Variants in GPR179 observed in about 807,000 individuals in gnomAD.
The protein encoded by GPR179 is G protein-coupled receptor 179.
A neutral mutation model predicts 70.8 loss-of-function variants in GPR179; 52 were observed. The ratio of observed to expected loss-of-function variants is 0.73; its 90% CI spans 0.59 to 0.93. The LOEUF (loss-of-function observed/expected upper bound fraction) is 0.93. Ranked by LOEUF, GPR179 falls within the 40% of genes least tolerant of loss-of-function variation. The pLI is 0.00. For synonymous variants in GPR179, 1,123 were observed against 1,169.0 expected (o/e 0.96, Z 0.80); for missense variants, 2,734 against 2,966.8 (o/e 0.92, Z 1.82).
At position 38,334,936 on chromosome 17, in the gene GPR179, G is replaced by A. The variant is rs536141377; in HGVS notation, c.1646-94C>T. ...ATGTGCTGGGGGGAGCCTGGGCTCG[G>A]GGTCTGGGGACAAGTCAGGAGAACC... On this transcript the variant is annotated intron_variant, in intron 7 of 10. Transcript: ENST00000616987. The surrounding 1 kb of genome is among the most constrained non-coding windows in gnomAD (Gnocchi z 4.7). 12 of 1,592,706 alleles carry A rather than the reference G, an allele frequency of 7.5e-6. No individual in the cohort carries two copies. The East Asian group carries it at 2.7e-4, about 36-fold the overall frequency.
intron 1 of GPR179, among the ~76,000 whole-genome samples, chr17:38,340,867 A>G (rs1239044563): frequency 6.6e-6 from 1 of 152,194 alleles, no homozygotes; most frequent in Non-Finnish European, 1.5e-5. Context: ...GCAGTGAGCC[A>G]AGATGGCGCC....
rs775612261 is a variant in GPR179, at chr17:38,337,173, C to T, written c.1032G>A (p.Gly344=). ...GTCTCCCAGATCTGCCTTCTGGGAA[C>T]CCGAATTGCCCGGTAGTCTGGAAGT... ...ESDFQTTGQF[G]FPEGRSGRLL... is the part of the protein sequence containing the mutation. Residue 344 remains glycine (G), a synonymous_variant, in exon 4 of 11, where the codon GGG becomes GGA. Coordinates refer to ENST00000616987, the MANE Select transcript of GPR179 (RefSeq NM_001004334.4). 5 of 1,612,746 alleles carry T rather than the reference C, an allele frequency of 3.1e-6. No homozygotes were observed. Among genetic ancestry groups the T allele is most frequent in the South Asian group, 2.2e-5 (2 of 90,756 alleles).
In GPR179 at chr17:38,327,365, G is replaced by A; in HGVS notation, c.6204C>T (p.Phe2068=). The change falls in exon 11 of 11, where the codon TTC becomes TTT. Residue 2068 remains phenylalanine, a synonymous_variant. Coordinates refer to ENST00000616987, the MANE Select transcript of GPR179 (RefSeq NM_001004334.4). ...PVQKKPEMAD[F]RQQEAVCPWE... is the part of the protein sequence containing the mutation. ...AGGGACACACAGCCTCCTGCTGCCTGAAGTCTGCCATCTCTGGCTTTTTCT... is the reference window on the plus strand; with the variant it reads ...AGGGACACACAGCCTCCTGCTGCCTAAAGTCTGCCATCTCTGGCTTTTTCT... 2 of 1,614,266 alleles carry A rather than the reference G, an allele frequency of 1.2e-6. No homozygotes were observed. Among genetic ancestry groups the A allele is most frequent in the South Asian group, 1.1e-5 (1 of 91,090 alleles).
Position 38,328,736 on chromosome 17 carries a change from T to TG in GPR179, c.4832dup (p.Arg1612LysfsTer28). Reference sequence around the variant, plus strand: ...TGTCCTTTTGAGATTCTCCTCCTCTTGGCACCTGTGCTGATGTCCATTCCT... The same window carrying TG: ...TGTCCTTTTGAGATTCTCCTCCTCTTGGGCACCTGTGCTGATGTCCATTCCT... On this transcript the variant is annotated frameshift_variant, in exon 11 of 11. Coordinates refer to ENST00000616987, the MANE Select transcript of GPR179 (RefSeq NM_001004334.4). LOFTEE classifies it low-confidence loss of function (END_TRUNC). The TG allele has an allele frequency of 6.2e-7, 1 of 1,613,612 alleles. No homozygotes were observed. The highest frequency in any genetic ancestry group is 1.3e-5 in the African/African-American group (1 of 74,828).
intron 2 of GPR179, among the ~76,000 whole-genome samples, chr17:38,338,324 C>A (rs1218286208): frequency 6.6e-6 from 1 of 152,202 alleles, no homozygotes; most frequent in Non-Finnish European, 1.5e-5. Flanking sequence ...CAGAGCAGAC[C>A]TCAGAGCCAG....
In GPR179 at chr17:38,331,474, C is replaced by T. The variant is rs748183031; in HGVS notation, c.2095G>A (p.Ala699Thr). ...LEVHKTKEMA[A>T]NNPHLPKKRG... ...TTCTTGGGCAGGTGGGGGTTGTTTG[C>T]GGCCATTTCCTTGGTTTTGTGGACC... is the stretch of plus-strand genomic sequence containing the variant. The change falls in exon 11 of 11, where the codon GCA (alanine) becomes ACA (threonine). Residue 699 changes from alanine to threonine, a missense_variant. Transcript: ENST00000616987. 11 of 1,613,906 alleles carry T rather than the reference C, an allele frequency of 6.8e-6. 1 individual carries two copies. In the South Asian group the frequency reaches 7.7e-5, roughly 11 times the overall value.
In GPR179 at chr17:38,328,668, G is replaced by A. The variant is rs1005015643; in HGVS notation, c.4901C>T (p.Ala1634Val). 2.5e-6 allele frequency: 4 copies of A among 1,614,016 alleles called. No individual in the cohort carries two copies. Among genetic ancestry groups the A allele is most frequent in the Non-Finnish European group, 3.4e-6 (4 of 1,180,040 alleles). ...PGKSEIEDVT[A>V]WEKPEGQIQK... ...GATCTGCCCCTCAGGCTTTTCCCAA[G>A]CTGTGACATCTTCGATTTCCGATTT... The change falls in exon 11 of 11, where the codon GCT (alanine) becomes GTT (valine). Residue 1634 changes from alanine to valine, a missense_variant. Physicochemically the swap from Ala to Val is moderately conservative, Grantham distance 64. Coordinates refer to ENST00000616987, the MANE Select transcript of GPR179 (RefSeq NM_001004334.4).
In GPR179 at chr17:38,343,528, T is replaced by C. The variant is rs760218146; in HGVS notation, c.262A>G (p.Met88Val). 1.9e-6 allele frequency: 3 copies of C among 1,613,768 alleles called. No individual in the cohort carries two copies. The highest frequency in any genetic ancestry group is 2.5e-6 in the Non-Finnish European group (3 of 1,179,992). Reference sequence around the variant, plus strand: ...TGTAGGCTTGGGGGGAGCCCTGGCATGGCTCCTGCCCCACGCGCTTCATAG... The same window carrying C: ...TGTAGGCTTGGGGGGAGCCCTGGCACGGCTCCTGCCCCACGCGCTTCATAG... ...ERYEARGAGAMPGLPPSLQGA... is the reference protein window; with the variant it reads ...ERYEARGAGAVPGLPPSLQGA... Residue 88 changes from methionine to valine, a missense_variant, in exon 1 of 11, where the codon ATG (methionine) becomes GTG (valine). Transcript: ENST00000616987. This position sits in a 1 kb window ranked among gnomAD's most constrained non-coding sequence, Gnocchi z 4.2.
intron 5 of GPR179, among the ~76,000 whole-genome samples, 160 bp from the exon 6 acceptor site, chr17:38,335,860 C>G (rs577742806): frequency 1.3e-5 from 2 of 152,234 alleles, no homozygotes; most frequent in Non-Finnish European, 2.9e-5. Context: ...AGTTAGGTAA[C>G]TTGCCCTAAA....
At chr17:38,339,328 G>C in intron 2 of GPR179, 89 bp downstream of exon 2, 1 of 789,406 alleles carries the variant, frequency 1.3e-6, no homozygotes, top group Non-Finnish European at 2.2e-6. Context: ...AGCTTTGTCT[G>C]CTGCTCCTGG....
At position 38,337,643 on chromosome 17, in the gene GPR179, G is replaced by GTT; in HGVS notation, c.980_981insAA (p.Ser327ArgfsTer7). On this transcript the variant is annotated frameshift_variant, in exon 3 of 11. Coordinates refer to ENST00000616987, the MANE Select transcript of GPR179 (RefSeq NM_001004334.4). LOFTEE classifies it high-confidence loss of function. ...ACCACACTTACATACCCCCAGAGGGGCTTGCCCCGTAGAATCCAGGTCGGC... is the reference window on the plus strand; with the variant it reads ...ACCACACTTACATACCCCCAGAGGGGTTCTTGCCCCGTAGAATCCAGGTCGGC... 6.2e-7 allele frequency: 1 copy of GTT among 1,604,676 alleles called. No individual in the cohort carries two copies. The highest frequency in any genetic ancestry group is 8.5e-7 in the Non-Finnish European group (1 of 1,175,832).
chr17:38,330,344 G>C lies in GPR179; in HGVS notation c.3225C>G (p.Leu1075=), dbSNP rs1319538068. The C allele has an allele frequency of 6.2e-7, 1 of 1,614,022 alleles. No homozygotes were observed. The highest frequency in any genetic ancestry group is 8.5e-7 in the Non-Finnish European group (1 of 1,179,948). ...TGGAACCCTGCTGAACAGGGGCCTT[G>C]AGGCTGTGGGATTTAGGGAAGATCT... ...RPKIFPKSHS[L]KAPVQQGSMR... Residue 1075 remains leucine, a synonymous_variant, in exon 11 of 11, where the codon CTC becomes CTG. Coordinates refer to ENST00000616987, the MANE Select transcript of GPR179 (RefSeq NM_001004334.4).
Position 38,329,614 on chromosome 17 carries a change from C to T in GPR179, c.3955G>A (p.Ala1319Thr). The T allele has an allele frequency of 6.2e-7, 1 of 1,614,144 alleles. No homozygotes were observed. The highest frequency in any genetic ancestry group is 8.5e-7 in the Non-Finnish European group (1 of 1,180,046). The stretch of plus-strand genomic sequence containing the variant: ...TCGGCACTCTCCCAGGGACACACTG[C>T]TTCCTGCTCCCTCACCAGCCTCTCT... ...KPERLVREQE[A>T]VCPWESADRG... Residue 1319 changes from alanine to threonine, a missense_variant, in exon 11 of 11, where the codon GCA becomes ACA. Coordinates refer to ENST00000616987, the MANE Select transcript of GPR179 (RefSeq NM_001004334.4).
Position 38,337,146 on chromosome 17 carries a change from C to T in GPR179, c.1059G>A (p.Leu353=). The part of the protein sequence containing the change: ...FGFPEGRSGR[L]LQCLPCPEGC... Reference sequence around the variant, plus strand: ...CCTCAGGACATGGCAGACACTGCAGCAGTCTCCCAGATCTGCCTTCTGGGA... The same window carrying T: ...CCTCAGGACATGGCAGACACTGCAGTAGTCTCCCAGATCTGCCTTCTGGGA... Residue 353 remains leucine, a synonymous_variant, in exon 4 of 11, where the codon CTG becomes CTA. Transcript: ENST00000616987. 6.2e-7 allele frequency: 1 copy of T among 1,612,820 alleles called. No individual in the cohort carries two copies. Among genetic ancestry groups the T allele is most frequent in the Non-Finnish European group, 8.5e-7 (1 of 1,179,590 alleles).
In GPR179 at chr17:38,343,153, T is replaced by G. The variant is rs1457071625; in HGVS notation, c.637A>C (p.Lys213Gln). The G allele has an allele frequency of 1.2e-6, 2 of 1,614,102 alleles. No homozygotes were observed. Among genetic ancestry groups the G allele is most frequent in the Admixed American group, 3.3e-5 (2 of 60,008 alleles). ...ACATATCCATCTGCCTGCGGCCACT[T>G]GGGGCTGCCGAGGCTCCCTAGGTCA... ...TNDLGSLGSP[K>Q]WPQADGYVGD... is the part of the protein sequence containing the mutation. The change falls in exon 1 of 11, where the codon AAG becomes CAG. Residue 213 changes from lysine (K) to glutamine (Q), a missense_variant. Physicochemically the swap from Lys to Gln is moderately conservative, Grantham distance 53. Coordinates refer to ENST00000616987, the MANE Select transcript of GPR179 (RefSeq NM_001004334.4). The surrounding 1 kb of genome is among the most constrained non-coding windows in gnomAD (Gnocchi z 4.2).
chr17:38,326,562 T>C lies in GPR179; in HGVS notation c.7007A>G (p.Gln2336Arg). 1 of 1,614,224 alleles carries C rather than the reference T, an allele frequency of 6.2e-7. No individual in the cohort carries two copies. Among genetic ancestry groups the C allele is most frequent in the Middle Eastern group, 1.6e-4 (1 of 6,062 alleles). Residue 2336 changes from glutamine (Q) to arginine (R), a missense_variant, in exon 11 of 11, where the codon CAG (glutamine) becomes CGG (arginine). Gln to Arg is a conservative substitution (Grantham distance 43, BLOSUM62 1). Coordinates refer to ENST00000616987, the MANE Select transcript of GPR179 (RefSeq NM_001004334.4). ...TGAGTCTTCAGTTAAGGACGAAGACTGAGACTCAGCTTCCTGGAGACTTGG... is the reference window on the plus strand; with the variant it reads ...TGAGTCTTCAGTTAAGGACGAAGACCGAGACTCAGCTTCCTGGAGACTTGG... Reference protein sequence around the residue: ...PEPSLQEAESQSSSLTEDSGQ... With the variant: ...PEPSLQEAESRSSSLTEDSGQ...
chr17:38,327,819 C>A lies in GPR179; in HGVS notation c.5750G>T (p.Arg1917Ile). The A allele has an allele frequency of 6.2e-7, 1 of 1,614,180 alleles. No individual in the cohort carries two copies. The highest frequency in any genetic ancestry group is 8.5e-7 in the Non-Finnish European group (1 of 1,180,050). ...GAAGGAACCTGTCTTTGGGTCTTGT[C>A]TCAGGTCCCCCTTCTCTGTTGCTTC... ...SLEATEKGDL[R>I]QDPKTGSFPE... is the part of the protein sequence containing the mutation. The change falls in exon 11 of 11, where the codon AGA becomes ATA. Residue 1917 changes from arginine (R) to isoleucine (I), a missense_variant. Transcript: ENST00000616987.
intron 3 of GPR179, 45 bp from the exon 4 acceptor site, chr17:38,337,258 C>A: frequency 6.5e-7 from 1 of 1,534,120 alleles, no homozygotes; most frequent in South Asian, 1.2e-5. Flanking sequence ...CCAGCTAGAG[C>A]ATCCTGACAT....
Position 38,328,440 on chromosome 17 carries a change from C to T in GPR179, c.5129G>A (p.Gly1710Asp). ...GKAEICPWEV[G>D]AGAGEERALG... ...AGCCCTTTCCTCCCCTGCTCCAGCA[C>T]CCACCTCCCAGGGACAGATTTCTGC... Residue 1710 changes from glycine (G) to aspartate (D), a missense_variant, in exon 11 of 11, where the codon GGT becomes GAT. Transcript: ENST00000616987. The T allele has an allele frequency of 4.3e-6, 7 of 1,614,106 alleles. No individual in the cohort carries two copies. Among genetic ancestry groups the T allele is most frequent in the Non-Finnish European group, 3.4e-6 (4 of 1,180,006 alleles).
Sources: gnomAD v4.1 joint callset for allele counts (sites outside exome capture counted in the v4.1 genomes callset) on GRCh38, gnomAD v4.1.1 for gene constraint, Gnocchi (gnomAD v3.1) non-coding constraint, MANE v1.5 for transcripts, NCBI Gene and HGNC (gene_info 2026-07-23, HGNC 2026-07-21) for gene names.